SEL1L3: variants seen among roughly 807,000 people sequenced by gnomAD.
The protein encoded by SEL1L3 is protein sel-1 homolog 3.
Under a neutral mutation model 142.8 loss-of-function variants are expected in SEL1L3, and 76 were observed. The observed-to-expected ratio is 0.53, with a 90% confidence interval of 0.44 to 0.64. The LOEUF (loss-of-function observed/expected upper bound fraction) is 0.64, where lower values mean the gene tolerates loss of function less well. SEL1L3 is among the 30% of genes least tolerant of loss of function. The pLI, the probability that SEL1L3 is intolerant of heterozygous loss-of-function variation, is 0.00. For synonymous variants in SEL1L3, 504 were observed against 519.6 expected (o/e 0.97, Z 0.41); for missense variants, 1,262 against 1,381.7 (o/e 0.91, Z 1.37).
Position 25,822,139 on chromosome 4 carries a change from G to C in SEL1L3, c.1158-11C>G, listed in dbSNP as rs1714805318. 4.3e-6 allele frequency: 7 copies of C among 1,613,850 alleles called. No individual in the cohort carries two copies. Among genetic ancestry groups the C allele is most frequent in the Non-Finnish European group, 5.9e-6 (7 of 1,179,774 alleles). ...AAATCCTCCCGGAAGCTAGAGAAGA[G>C]AATGAAGGATTAAGAGAGCTCCATG... On this transcript the variant is annotated splice_polypyrimidine_tract_variant and intron_variant, in intron 6 of 23. Transcript: ENST00000399878.
chr4:25,784,339 G>A, intron 13 of SEL1L3, 49 bp from the exon 14 acceptor site: 1 of 1,373,636 alleles, frequency 7.3e-7, no homozygotes, highest in Non-Finnish European at 1.0e-6. Context: ...CAACCAGACT[G>A]CACACATACA....
At position 25,757,246 on chromosome 4, in the gene SEL1L3, C is replaced by T. The variant is rs189783458; in HGVS notation, c.3259+288G>A. Among the ~76,000 whole-genome samples the T allele has an allele frequency of 5.7e-4, 86 of 151,552 alleles. No homozygotes were observed. In the East Asian group the frequency reaches 0.011, roughly 20 times the overall value. On this transcript the variant is annotated intron_variant, in intron 23 of 23. Coordinates refer to ENST00000399878, the MANE Select transcript of SEL1L3 (RefSeq NM_015187.5). The stretch of plus-strand genomic sequence containing the variant: ...TCACACCACTGCACTCCAGCCTGGG[C>T]GACAGAACGAGACTCCATCTCAAAA...
intron 11 of SEL1L3, among the ~76,000 whole-genome samples, chr4:25,795,790 C>T (rs1442025759): frequency 6.6e-6 from 1 of 152,192 alleles, no homozygotes; most frequent in Non-Finnish European, 1.5e-5. Flanking sequence ...CTGAGGCCTT[C>T]TGTGAAAGCA....
chr4:25,757,613 A>G lies in SEL1L3; in HGVS notation c.3187-7T>C. 6.4e-7 allele frequency: 1 copy of G among 1,554,416 alleles called. No homozygotes were observed. Among genetic ancestry groups the G allele is most frequent in the Non-Finnish European group, 8.7e-7 (1 of 1,148,520 alleles). On this transcript the variant is annotated splice_polypyrimidine_tract_variant and splice_region_variant and intron_variant, in intron 22 of 23. Coordinates refer to ENST00000399878, the MANE Select transcript of SEL1L3 (RefSeq NM_015187.5). Reference sequence around the variant, plus strand: ...AGGTTCCCAGAAAGTAGATCTGCAAACATCAGAAGCACGCATTAGTGACTG... The same window carrying G: ...AGGTTCCCAGAAAGTAGATCTGCAAGCATCAGAAGCACGCATTAGTGACTG...
In SEL1L3 at chr4:25,833,578, G is replaced by C. The variant is rs751131393; in HGVS notation, c.861-9C>G. On this transcript the variant is annotated splice_polypyrimidine_tract_variant and intron_variant, in intron 3 of 23. Transcript: ENST00000399878. ...ACAATGAAACAGTAAACCTATAAGA[G>C]TGAGGGGGAAAAAAATTCTGCAGAT... 6.3e-7 allele frequency: 1 copy of C among 1,596,698 alleles called. No individual in the cohort carries two copies. Among genetic ancestry groups the C allele is most frequent in the South Asian group, 1.1e-5 (1 of 87,550 alleles).
At chr4:25,833,188 A>C (rs2109284244) in intron 4 of SEL1L3, 78 bp from the exon 5 acceptor site, 1 of 887,198 alleles carries the variant, frequency 1.1e-6, no homozygotes, top group Admixed American at 1.8e-5. Flanking sequence ...CTTTTCAACA[A>C]TTGTCCTAAG....
intron 11 of SEL1L3, among the ~76,000 whole-genome samples, chr4:25,798,095 T>C (rs777758319): frequency 2.6e-5 from 4 of 152,008 alleles, no homozygotes; most frequent in Admixed American, 1.3e-4. Flanking sequence ...GTGTTGCGAG[T>C]TTGGTTGGGG....
chr4:25,858,629 A>G (rs1024946625), intron 1 of SEL1L3, among the ~76,000 whole-genome samples: 1 of 151,918 alleles, frequency 6.6e-6, no homozygotes, highest in Non-Finnish European at 1.5e-5. Context: ...CTCTGTCGCC[A>G]GGCTGGAGTG....
the SEL1L3 span, among the ~76,000 whole-genome samples, chr4:25,734,992 C>CT: frequency 4.7e-5 from 7 of 150,332 alleles, no homozygotes; most frequent in African/African-American, 9.8e-5. Context: ...TATTTTTTTT[C>CT]TTTTTTTTCT....
At chr4:25,817,696 T>A (rs1714477373) in intron 9 of SEL1L3, among the ~76,000 whole-genome samples, 1 of 152,190 alleles carries the variant, frequency 6.6e-6, no homozygotes, top group South Asian at 2.1e-4. Context: ...CCTCCACAAT[T>A]GCTGCCACAT....
At chr4:25,849,384 T>C (rs1716741546) in intron 1 of SEL1L3, among the ~76,000 whole-genome samples, 1 of 152,120 alleles carries the variant, frequency 6.6e-6, no homozygotes, top group Non-Finnish European at 1.5e-5. Flanking sequence ...TGCTGTAAAA[T>C]GGATGAACTT....
At chr4:25,793,562 C>T (rs1030570204) in intron 11 of SEL1L3, among the ~76,000 whole-genome samples, 1 of 151,648 alleles carries the variant, frequency 6.6e-6, no homozygotes, top group Admixed American at 6.6e-5. Context: ...TGGCCTGCCC[C>T]ACTGCCCTGC....
intron 17 of SEL1L3, chr4:25,773,215 C>A (rs1719358264): frequency 6.6e-6 from 1 of 152,104 alleles, no homozygotes; most frequent in Non-Finnish European, 1.5e-5. Flanking sequence ...AAATCCATTT[C>A]TTAGGAATAT....
intron 17 of SEL1L3, among the ~76,000 whole-genome samples, chr4:25,772,863 T>C (rs1440278840): frequency 6.6e-6 from 1 of 152,328 alleles, no homozygotes; most frequent in Non-Finnish European, 1.5e-5. Flanking sequence ...AGTGGCTCAA[T>C]CTCAGCTCAC....
Position 25,802,452 on chromosome 4 carries a change from T to A in SEL1L3, c.1787A>T (p.Tyr596Phe). 1 of 1,612,596 alleles carries A rather than the reference T, an allele frequency of 6.2e-7. No individual in the cohort carries two copies. The highest frequency in any genetic ancestry group is 8.5e-7 in the Non-Finnish European group (1 of 1,179,112). Residue 596 changes from tyrosine (Y) to phenylalanine (F), a missense_variant, in exon 11 of 24, where the codon TAT becomes TTT. Transcript: ENST00000399878. ...ACTCCCCTGGCCTCCAACCAAACTA[T>A]ACAACATGCCCTGTTAGGAAGAAAT... ...VPRDQLQGMLYSLVGGQGSER... is the reference protein window; with the variant it reads ...VPRDQLQGMLFSLVGGQGSER...
intron 23 of SEL1L3, among the ~76,000 whole-genome samples, chr4:25,753,484 T>G (rs757662658): frequency 1.6e-4 from 25 of 152,234 alleles, no homozygotes; most frequent in Non-Finnish European, 3.1e-4. Context: ...GGCTGCTACA[T>G]GCACCCATCC....
chr4:25,745,134 C>T (rs1424174001), downstream of SEL1L3, among the ~76,000 whole-genome samples: 1 of 152,144 alleles, frequency 6.6e-6, no homozygotes, highest in African/African-American at 2.4e-5. Context: ...GTGGCTCAAA[C>T]CTGTAATCCC....
chr4:25,745,321 G>C (rs1258322408), downstream of SEL1L3, among the ~76,000 whole-genome samples: 1 of 152,084 alleles, frequency 6.6e-6, no homozygotes, highest in Non-Finnish European at 1.5e-5. Flanking sequence ...CTTGAGCCTG[G>C]GAGGCAGAGG....
intron 11 of SEL1L3, among the ~76,000 whole-genome samples, chr4:25,795,141 A>C (rs1712632862): frequency 6.6e-6 from 1 of 151,992 alleles, no homozygotes; most frequent in Admixed American, 6.5e-5. Context: ...GGTGCAGCAA[A>C]CCACCATGGC....
Sources: gnomAD v4.1 joint callset for allele counts (sites outside exome capture counted in the v4.1 genomes callset) on GRCh38, gnomAD v4.1.1 for gene constraint, MANE v1.5 for transcripts, NCBI Gene and HGNC (gene_info 2026-07-23, HGNC 2026-07-21) for gene names.